The following ASTN2 variants were observed in gnomAD, a reference collection of about 807,000 sequenced individuals.
The protein encoded by ASTN2 is astrotactin 2.
In ASTN2, 54 loss-of-function variants were observed where a neutral mutation model predicts 139.8. The observed-to-expected ratio is 0.39, with a 90% CI of 0.31 to 0.48. The LOEUF (loss-of-function observed/expected upper bound fraction) is 0.48, where lower values mean the gene tolerates loss of function less well. Ranked by LOEUF, ASTN2 falls within the 20% of genes least tolerant of loss-of-function variation. The pLI is 0.95. For synonymous variants in ASTN2, 756 were observed against 719.5 expected (o/e 1.05, Z -0.81); for missense variants, 1,565 against 1,725.1 (o/e 0.91, Z 1.64).
chr9:116,937,405 C>T (rs1403431073), intron 10 of ASTN2, among the ~76,000 whole-genome samples: 1 of 152,192 alleles, frequency 6.6e-6, no homozygotes, highest in African/African-American at 2.4e-5. Context: ...TTCTGACTCT[C>T]ACACTTCCCT....
intron 13 of ASTN2, among the ~76,000 whole-genome samples, chr9:116,777,327 A>G (rs1830108942): frequency 6.6e-6 from 1 of 152,100 alleles, no homozygotes; most frequent in Non-Finnish European, 1.5e-5. Flanking sequence ...TATCCTTCCT[A>G]TGGGGCAGGT....
At chr9:116,885,358 TA>T (rs1240463820) in intron 10 of ASTN2, among the ~76,000 whole-genome samples, 5 of 151,962 alleles carry the variant, frequency 3.3e-5, no homozygotes, top group African/African-American at 1.2e-4. Flanking sequence ...TATGTATCAA[TA>T]AAAAAAGACC....
chr9:116,976,783 C>G lies in ASTN2; in HGVS notation c.1594G>C (p.Glu532Gln). Residue 532 changes from glutamate (E) to glutamine (Q), a missense_variant and splice_region_variant, in exon 8 of 23, where the codon GAG (glutamate) becomes CAG (glutamine). By Grantham distance (29) the Glu-to-Gln change is conservative. Around this residue, in one of 4 missense-constraint regions of ASTN2, gnomAD observed 503 missense variants for 591.7 expected, o/e 0.85. Coordinates refer to ENST00000313400, the MANE Select transcript of ASTN2 (RefSeq NM_001365068.1). ...GCATAGCCTTCATGACAGCTGCACT[C>G]TCCTGTAAGTGAAAAGAAAAAAGAT... is the stretch of plus-strand genomic sequence containing the variant. Reference protein sequence around the residue: ...CEQLCDPETGECSCHEGYAPD... With the variant: ...CEQLCDPETGQCSCHEGYAPD... 6.2e-7 allele frequency: 1 copy of G among 1,613,784 alleles called. No individual in the cohort carries two copies. Among genetic ancestry groups the G allele is most frequent in the Non-Finnish European group, 8.5e-7 (1 of 1,179,782 alleles).
At chr9:116,612,101 T>A (rs1299887254) in intron 19 of ASTN2, 1 of 152,118 alleles carries the variant, frequency 6.6e-6, no homozygotes, top group East Asian at 1.9e-4. Flanking sequence ...AAATTCAACA[T>A]CTGTTTCCAA....
intron 19 of ASTN2, among the ~76,000 whole-genome samples, chr9:116,497,615 A>C (rs573911398): frequency 1.3e-5 from 2 of 152,342 alleles, no homozygotes; most frequent in African/African-American, 4.8e-5. Context: ...AGAGCCATAA[A>C]AGCCCTCGTC....
chr9:116,719,025 G>GTTGGTT (rs2132107350), intron 16 of ASTN2, among the ~76,000 whole-genome samples: 1 of 94,102 alleles, frequency 1.1e-5, no homozygotes, highest in Admixed American at 1.4e-4. Context: ...TATCCATCCT[G>GTTGGTT]TTGGTTCTGT....
chr9:117,082,662 G>A (rs1473699684), intron 5 of ASTN2, among the ~76,000 whole-genome samples: 1 of 152,168 alleles, frequency 6.6e-6, no homozygotes, highest in Non-Finnish European at 1.5e-5. Flanking sequence ...AATTAGCTGG[G>A]CATGGTGGCA....
chr9:117,039,812 C>T lies in ASTN2; in HGVS notation c.1423+7G>A, dbSNP rs1302752928. On this transcript the variant is annotated splice_region_variant and intron_variant, in intron 6 of 22. Transcript: ENST00000313400. ...GGTGTGGAGCATCTGCAATGCTCGG[C>T]TCTTACCATCTGCTATGAAGTGCTC... is the stretch of plus-strand genomic sequence containing the variant. 6.2e-7 allele frequency: 1 copy of T among 1,612,066 alleles called. No individual in the cohort carries two copies. The highest frequency in any genetic ancestry group is 8.5e-7 in the Non-Finnish European group (1 of 1,179,186).
intron 11 of ASTN2, among the ~76,000 whole-genome samples, chr9:116,834,102 GCTGTTATTGCT>G (rs903477728): frequency 1.8e-4 from 27 of 152,232 alleles, no homozygotes; most frequent in Non-Finnish European, 2.9e-4. Context: ...GCTGAAGGCA[GCTGTTATTGCT>G]CTGTTATTGC....
intron 13 of ASTN2, among the ~76,000 whole-genome samples, chr9:116,773,307 C>A (rs1202001235): frequency 1.3e-5 from 2 of 152,194 alleles, no homozygotes; most frequent in Admixed American, 6.5e-5. Flanking sequence ...CTGTATGAAC[C>A]TTCCCAACCT....
At chr9:116,478,479 G>A (rs1048347823) in intron 20 of ASTN2, among the ~76,000 whole-genome samples, 2 of 152,118 alleles carry the variant, frequency 1.3e-5, no homozygotes, top group Admixed American at 6.5e-5. Flanking sequence ...AGCATGGAAG[G>A]TTTCCTCTTT....
At position 116,794,566 on chromosome 9, in the gene ASTN2, A is replaced by G. The variant is rs149238066; in HGVS notation, c.2396+11066T>C. On this transcript the variant is annotated intron_variant, in intron 13 of 22. Transcript: ENST00000313400. Reference sequence around the variant, plus strand: ...CTAGAGGCCATGGAGTGTTTAGAAGAGCAGCCCTTCAATCCTGGCTCCATT... The same window carrying G: ...CTAGAGGCCATGGAGTGTTTAGAAGGGCAGCCCTTCAATCCTGGCTCCATT... Among the ~76,000 whole-genome samples the G allele has an allele frequency of 3.0e-3, 462 of 152,244 alleles. 4 individuals are homozygous for G. The highest frequency in any genetic ancestry group is 0.011 in the African/African-American group (446 of 41,534).
intron 3 of ASTN2, among the ~76,000 whole-genome samples, chr9:117,181,978 C>T (rs1831080559): frequency 6.6e-6 from 1 of 152,188 alleles, no homozygotes; most frequent in African/African-American, 2.4e-5. Context: ...TTCCCCACCC[C>T]ATGCTGCCAC....
chr9:117,398,203 G>C (rs972090361), intron 1 of ASTN2, among the ~76,000 whole-genome samples: 3 of 152,156 alleles, frequency 2.0e-5, no homozygotes, highest in Non-Finnish European at 4.4e-5. Context: ...TCTAGGGGTG[G>C]TTTGTAAAGC....
chr9:116,495,545 G>C (rs1849642857), intron 19 of ASTN2, among the ~76,000 whole-genome samples: 1 of 152,180 alleles, frequency 6.6e-6, no homozygotes, highest in South Asian at 2.1e-4. Context: ...GGGTATTTCA[G>C]ATACATGAGT....
At chr9:117,093,386 A>G (rs1432060376) in intron 5 of ASTN2, among the ~76,000 whole-genome samples, 1 of 152,138 alleles carries the variant, frequency 6.6e-6, no homozygotes, top group Non-Finnish European at 1.5e-5. Context: ...TCATTTTACA[A>G]CTTAGGGAAT....
At chr9:116,820,591 C>G in intron 12 of ASTN2, 26 bp downstream of exon 12, 1 of 1,606,182 alleles carries the variant, frequency 6.2e-7, no homozygotes, top group Non-Finnish European at 8.5e-7. Context: ...AAATGGGGCA[C>G]CTGGGCCTTG....
At chr9:117,256,850 T>A (rs10739487) in intron 2 of ASTN2, among the ~76,000 whole-genome samples, 147,748 of 152,222 alleles carry the variant, frequency 0.97, 71,877 homozygotes, top group East Asian at 1. Flanking sequence ...GAGGACCCAC[T>A]ATTTTCTATG....
intron 19 of ASTN2, among the ~76,000 whole-genome samples, chr9:116,593,494 A>G (rs1386833831): frequency 1.3e-5 from 2 of 152,168 alleles, no homozygotes; most frequent in Non-Finnish European, 2.9e-5. Flanking sequence ...ACTTGTCCAA[A>G]TTATATCCTC....
Sources: gnomAD v4.1 joint callset for allele counts (sites outside exome capture counted in the v4.1 genomes callset) on GRCh38, gnomAD v4.1.1 for gene constraint, gnomAD v4.1.1 regional missense constraint, MANE v1.5 for transcripts, NCBI Gene and HGNC (gene_info 2026-07-23, HGNC 2026-07-21) for gene names.